Variants in GOLGA8T observed in about 807,000 individuals in gnomAD.
GOLGA8T encodes the protein golgin A8 family member T, also known as golgin subfamily A member 8T.
Under a neutral mutation model 52.0 loss-of-function variants are expected in GOLGA8T, and 17 were observed. The observed-to-expected ratio is 0.33, with a 90% confidence interval of 0.22 to 0.49. The LOEUF (loss-of-function observed/expected upper bound fraction) is 0.49. Ranked by LOEUF, GOLGA8T falls within the 20% of genes least tolerant of loss-of-function variation. GOLGA8T has a pLI of 0.99. For missense variants in GOLGA8T, 154 were observed against 462.1 expected (o/e 0.33, Z 6.11); for synonymous variants, 67 against 169.5 (o/e 0.40, Z 4.70).
At position 30,144,711 on chromosome 15, in the gene GOLGA8T, C is replaced by G. The variant is rs1396649951; in HGVS notation, c.1369-68C>G. 6.0e-6 allele frequency: 7 copies of G among 1,171,866 alleles called. 2 individuals carry two copies. Among genetic ancestry groups the G allele is most frequent in the Admixed American group, 2.1e-5 (1 of 47,570 alleles). 72.6% of individuals were successfully genotyped at this position (1,171,866 alleles called of 1,614,324 possible). On this transcript the variant is annotated intron_variant, in intron 15 of 18. Transcript: ENST00000569052. ...ATGCCAGGACTCACCTCCACCTTCTCCATGACTTGAAAATGCCACCTGAGG... is the reference window on the plus strand; with the variant it reads ...ATGCCAGGACTCACCTCCACCTTCTGCATGACTTGAAAATGCCACCTGAGG...
chr15:30,145,733 G>C lies in GOLGA8T; in HGVS notation c.*166G>C, dbSNP rs1441505981. ...AGTTTATTTGTAAAAAGTTAAAAGAGAGTGGGTGTCTGTGGCTCTCACTGA... is the reference window on the plus strand; with the variant it reads ...AGTTTATTTGTAAAAAGTTAAAAGACAGTGGGTGTCTGTGGCTCTCACTGA... On this transcript the variant is annotated 3_prime_UTR_variant, in exon 19 of 19. Coordinates refer to ENST00000569052, the MANE Select transcript of GOLGA8T (RefSeq NM_001355469.2). Among the ~76,000 whole-genome samples the C allele has an allele frequency of 2.5e-5, 3 of 120,114 alleles. No homozygotes were observed. The highest frequency in any genetic ancestry group is 4.8e-5 in the Non-Finnish European group (3 of 63,002). 78.8% of individuals were successfully genotyped at this position (120,114 alleles called of 152,430 possible).
intron 13 of GOLGA8T, 118 bp downstream of exon 13, chr15:30,142,500 G>A: frequency 7.9e-6 from 12 of 1,517,088 alleles, no homozygotes; most frequent in Non-Finnish European, 1.1e-5. Context: ...GGTGACCACA[G>A]CACCCCCCAG....
intron 11 of GOLGA8T, 134 bp downstream of exon 11, chr15:30,141,559 G>A: frequency 1.3e-6 from 1 of 775,532 alleles, no homozygotes. Flanking sequence ...CCAGGAGACG[G>A]CGAGTCTTGT....
At chr15:30,140,675 C>T (rs1312341816) in intron 8 of GOLGA8T, among the ~76,000 whole-genome samples, 167 bp from the exon 9 acceptor site, 13 of 145,332 alleles carry the variant, frequency 8.9e-5, no homozygotes, top group African/African-American at 1.9e-4. Context: ...ATTCCCTGTC[C>T]GTTCCAACTT....
At position 30,142,393 on chromosome 15, in the gene GOLGA8T, C is replaced by G. The variant is rs760946439; in HGVS notation, c.1200+11C>G. 1.3e-6 allele frequency: 2 copies of G among 1,564,620 alleles called. No homozygotes were observed. The highest frequency in any genetic ancestry group is 8.6e-7 in the Non-Finnish European group (1 of 1,166,562). On this transcript the variant is annotated intron_variant, in intron 13 of 18. Transcript: ENST00000569052. Reference sequence around the variant, plus strand: ...GAGAAGCTTGGCGAGGTGAAGGAGACGGAAACCTCCACCCCATCCAAGAAG... The same window carrying G: ...GAGAAGCTTGGCGAGGTGAAGGAGAGGGAAACCTCCACCCCATCCAAGAAG...
intron 13 of GOLGA8T, among the ~76,000 whole-genome samples, chr15:30,143,381 C>G (rs1332857058): frequency 8.5e-6 from 1 of 118,008 alleles, no homozygotes; most frequent in Non-Finnish European, 1.6e-5. Context: ...TACGTGGCCA[C>G]CTATCAGCAG....
At chr15:30,142,802 A>T (rs2057765527) in intron 13 of GOLGA8T, among the ~76,000 whole-genome samples, 1 of 112,472 alleles carries the variant, frequency 8.9e-6, no homozygotes, top group Non-Finnish European at 1.7e-5. Context: ...AAAAAAAATT[A>T]GCAGGACATT....
chr15:30,137,193 C>T (rs1178703749), intron 2 of GOLGA8T, among the ~76,000 whole-genome samples: 8 of 146,850 alleles, frequency 5.4e-5, no homozygotes, highest in African/African-American at 7.8e-5. Flanking sequence ...CTGGTTAACA[C>T]GGTGAAACCC....
chr15:30,141,431 A>G lies in GOLGA8T; in HGVS notation c.874+6A>G. 2 of 1,525,814 alleles carry G rather than the reference A, an allele frequency of 1.3e-6. No homozygotes were observed. The highest frequency in any genetic ancestry group is 1.7e-6 in the Non-Finnish European group (2 of 1,151,322). The allele number at this position is 1,525,814 out of a possible 1,614,324, so 94.5% of individuals were successfully genotyped here. ...CAAACTCAAAAACCAGATGGGTAAG[A>G]TGGGGCTGGCATGACCTAGGAGCAG... On this transcript the variant is annotated splice_donor_region_variant and intron_variant, in intron 11 of 18. Coordinates refer to ENST00000569052, the MANE Select transcript of GOLGA8T (RefSeq NM_001355469.2).
In GOLGA8T at chr15:30,142,372, A is replaced by G. The variant is rs770970995; in HGVS notation, c.1190A>G (p.Lys397Arg). 35 of 1,545,014 alleles carry G rather than the reference A, an allele frequency of 2.3e-5. 1 individual carries two copies. The highest frequency in any genetic ancestry group is 2.9e-5 in the Non-Finnish European group (33 of 1,154,364). ...LEQQVKELQE[K>R]LGEEHLEAAS... Reference sequence around the variant, plus strand: ...CAGCAAGTAAAGGAGCTACAGGAGAAGCTTGGCGAGGTGAAGGAGACGGAA... The same window carrying G: ...CAGCAAGTAAAGGAGCTACAGGAGAGGCTTGGCGAGGTGAAGGAGACGGAA... Residue 397 changes from lysine to arginine, a missense_variant, in exon 13 of 19, where the codon AAG becomes AGG. By Grantham distance (26) the Lys-to-Arg change is conservative. This residue lies in a region of GOLGA8T where 54 missense variants were observed against 51.5 expected (regional missense o/e 1.05). Coordinates refer to ENST00000569052, the MANE Select transcript of GOLGA8T (RefSeq NM_001355469.2).
intron 12 of GOLGA8T, 23 bp from the exon 13 acceptor site, chr15:30,142,291 G>A: frequency 1.4e-6 from 2 of 1,451,784 alleles, no homozygotes; most frequent in Non-Finnish European, 9.1e-7. Context: ...GTGGGTGGCT[G>A]CTGATTGCTT....
In GOLGA8T at chr15:30,148,746, G is replaced by T. The variant is rs1350057600; in HGVS notation, c.*3179G>T. On this transcript the variant is annotated 3_prime_UTR_variant, in exon 19 of 19. Coordinates refer to ENST00000569052, the MANE Select transcript of GOLGA8T (RefSeq NM_001355469.2). ...CTGTAATGTAATAAATTATTAAATT[G>T]TTTCAATGTGTTGTTTTTGCCTTAA... Among the ~76,000 whole-genome samples, 1 of 148,192 alleles carries T rather than the reference G, an allele frequency of 6.7e-6. No individual in the cohort carries two copies. The highest frequency in any genetic ancestry group is 2.6e-5 in the African/African-American group (1 of 38,984).
intron 1 of GOLGA8T, among the ~76,000 whole-genome samples, chr15:30,136,656 T>C (rs1219686366): frequency 2.3e-4 from 34 of 148,526 alleles, no homozygotes; most frequent in South Asian, 6.4e-4. Context: ...AAGACTGAGT[T>C]TCAAAGTTCC....
chr15:30,142,165 TA>T, intron 12 of GOLGA8T, 107 bp downstream of exon 12: 1 of 575,400 alleles, frequency 1.7e-6, no homozygotes, highest in Non-Finnish European at 2.9e-6. Context: ...ATGTTACTTC[TA>T]AAGGCACCTG....
In GOLGA8T at chr15:30,148,553, G is replaced by A. The variant is rs1342360094; in HGVS notation, c.*2986G>A. On this transcript the variant is annotated 3_prime_UTR_variant, in exon 19 of 19. Coordinates refer to ENST00000569052, the MANE Select transcript of GOLGA8T (RefSeq NM_001355469.2). ...TGTAGTATAAAAGAAAGAAATGGTG[G>A]GAACGAAAAGCAGAGAAAGAAATGC... 1.5e-5 allele frequency among the ~76,000 whole-genome samples: 2 copies of A among 134,536 alleles called. 1 individual carries two copies. The highest frequency in any genetic ancestry group is 6.3e-5 in the African/African-American group (2 of 31,966). 88.3% of individuals were successfully genotyped at this position (134,536 alleles called of 152,430 possible). A position where few individuals can be genotyped will look rare whatever the true frequency, so the allele number is the denominator to read the frequency against.
At chr15:30,140,591 T>A (rs2057729150) in intron 8 of GOLGA8T, among the ~76,000 whole-genome samples, 3 of 140,970 alleles carry the variant, frequency 2.1e-5, no homozygotes, top group Non-Finnish European at 4.5e-5. Context: ...ACAGTGGTAA[T>A]AATAACAGTA....
rs1194606823 is a variant in GOLGA8T, at chr15:30,144,894, G to C, written c.1466+18G>C. On this transcript the variant is annotated intron_variant, in intron 16 of 18. Coordinates refer to ENST00000569052, the MANE Select transcript of GOLGA8T (RefSeq NM_001355469.2). ...CGCCATCAGTGAGTGGGAGGCCAGG[G>C]CACGGCAGGGGGAGCTACAGGGCCG... The C allele has an allele frequency of 6.3e-7, 1 of 1,590,456 alleles. No individual in the cohort carries two copies. The highest frequency in any genetic ancestry group is 8.5e-7 in the Non-Finnish European group (1 of 1,174,126).
rs552322162 is a variant in GOLGA8T, at chr15:30,141,313, C to A, written c.787-25C>A. The A allele has an allele frequency of 1.4e-5, 22 of 1,549,112 alleles. 3 individuals carry two copies. The East Asian group carries it at 4.4e-4, about 31-fold the overall frequency. On this transcript the variant is annotated intron_variant, in intron 10 of 18. Coordinates refer to ENST00000569052, the MANE Select transcript of GOLGA8T (RefSeq NM_001355469.2). ...CAGCCACCAGCCCCTCTCTCCAAGGCCCTTTCCCCTTGTGCTTTGGGCAGA... is the reference window on the plus strand; with the variant it reads ...CAGCCACCAGCCCCTCTCTCCAAGGACCTTTCCCCTTGTGCTTTGGGCAGA...
chr15:30,137,379 GAAAA>G (rs1175305011), intron 2 of GOLGA8T, among the ~76,000 whole-genome samples: 1 of 57,796 alleles, frequency 1.7e-5, no homozygotes. Flanking sequence ...CTGTCTCAAA[GAAAA>G]AAAAAAAAAA....
Sources: gnomAD v4.1 joint callset for allele counts (sites outside exome capture counted in the v4.1 genomes callset) on GRCh38, gnomAD v4.1.1 for gene constraint, gnomAD v4.1.1 regional missense constraint, MANE v1.5 for transcripts, NCBI Gene and HGNC (gene_info 2026-07-23, HGNC 2026-07-21) for gene names.